The following NCAPD2 variants were observed in gnomAD, a reference collection of about 807,000 sequenced individuals.
NCAPD2 encodes the protein condensin complex subunit 1.
In NCAPD2, 100 loss-of-function variants were observed where a neutral mutation model predicts 164.5. The observed-to-expected ratio is 0.61, with a 90% CI of 0.52 to 0.72. The LOEUF (loss-of-function observed/expected upper bound fraction) is 0.72, where lower values mean the gene tolerates loss of function less well. Ranked by LOEUF, NCAPD2 falls within the 30% of genes least tolerant of loss-of-function variation. NCAPD2 has a pLI of 0.00. For missense variants in NCAPD2, 1,560 were observed against 1,749.2 expected (o/e 0.89, Z 1.93); for synonymous variants, 585 against 642.6 (o/e 0.91, Z 1.36).
Position 6,516,920 on chromosome 12 carries a change from C to T in NCAPD2, c.1080C>T (p.Asp360=), listed in dbSNP as rs1946206927. ...ATCAACTGGAAGCAGCAGCCCGAGA[C>T]ACCAGAGACCAGTTCTTGGATACTT... ...SGDQLEAAAR[D]TRDQFLDTLQ... Residue 360 remains aspartate, a synonymous_variant, in exon 10 of 32, where the codon GAC becomes GAT. Coordinates refer to ENST00000315579, the MANE Select transcript of NCAPD2 (RefSeq NM_014865.4). 6.2e-7 allele frequency: 1 copy of T among 1,614,172 alleles called. No individual in the cohort carries two copies. The highest frequency in any genetic ancestry group is 1.3e-5 in the African/African-American group (1 of 75,044).
At chr12:6,510,156 G>T in intron 4 of NCAPD2, 23 bp downstream of exon 4, 1 of 1,583,070 alleles carries the variant, frequency 6.3e-7, no homozygotes, top group South Asian at 1.1e-5. Flanking sequence ...CAGGGGGTAG[G>T]GGATGGAAGG....
intron 13 of NCAPD2, among the ~76,000 whole-genome samples, chr12:6,520,644 A>T (rs1946255469): frequency 6.6e-6 from 1 of 152,186 alleles, no homozygotes. Flanking sequence ...TTGAAAGTTT[A>T]TTGTTTCTAA....
chr12:6,528,466 G>T lies in NCAPD2; in HGVS notation c.3299+138G>T. 1 of 1,287,660 alleles carries T rather than the reference G, an allele frequency of 7.8e-7. No individual in the cohort carries two copies. Among genetic ancestry groups the T allele is most frequent in the Non-Finnish European group, 1.1e-6 (1 of 923,346 alleles). The allele number at this position is 1,287,660 out of a possible 1,614,324, so 79.8% of individuals were successfully genotyped here. ...TCTGCTTGATACTTGACCTGTACAG[G>T]CCCCTGGCTAAGAGTCACCCCAGTG... is the stretch of plus-strand genomic sequence containing the variant. On this transcript the variant is annotated intron_variant, in intron 25 of 31. Transcript: ENST00000315579. This position sits in a 1 kb window ranked among gnomAD's most constrained non-coding sequence, Gnocchi z 5.1.
chr12:6,526,467 A>G lies in NCAPD2; in HGVS notation c.2586A>G (p.Pro862=). 6.2e-7 allele frequency: 1 copy of G among 1,613,986 alleles called. No individual in the cohort carries two copies. Among genetic ancestry groups the G allele is most frequent in the Non-Finnish European group, 8.5e-7 (1 of 1,179,994 alleles). The change falls in exon 21 of 32, where the codon CCA becomes CCG. Residue 862 remains proline (P), a synonymous_variant. Coordinates refer to ENST00000315579, the MANE Select transcript of NCAPD2 (RefSeq NM_014865.4). ...TVTKGFVHPD[P]LWIPFKEVAV... The stretch of plus-strand genomic sequence containing the variant: ...CTGCAGGCTTTGTCCACCCAGACCC[A>G]CTCTGGATCCCATTCAAAGAGGTGG...
intron 6 of NCAPD2, among the ~76,000 whole-genome samples, chr12:6,511,938 C>T (rs1946151912): frequency 6.6e-6 from 1 of 150,504 alleles, no homozygotes; most frequent in Admixed American, 6.7e-5. Flanking sequence ...GAGCTGAGAT[C>T]GCACCATTGC....
chr12:6,497,899 G>T (rs1945998590), intron 2 of NCAPD2, among the ~76,000 whole-genome samples: 2 of 149,626 alleles, frequency 1.3e-5, no homozygotes, highest in Non-Finnish European at 3.0e-5. Context: ...TTACAGGCGT[G>T]AGCCACCGCG....
chr12:6,531,211 A>C lies in NCAPD2; in HGVS notation c.4121-116A>C. On this transcript the variant is annotated intron_variant, in intron 31 of 31. Coordinates refer to ENST00000315579, the MANE Select transcript of NCAPD2 (RefSeq NM_014865.4). This position sits in a 1 kb window ranked among gnomAD's most constrained non-coding sequence, Gnocchi z 4.1. ...TGCCGCAGAAGGGCCTCTCCTGTACAGCTTGGATTTTATTTCTTCTGTGCG... is the reference window on the plus strand; with the variant it reads ...TGCCGCAGAAGGGCCTCTCCTGTACCGCTTGGATTTTATTTCTTCTGTGCG... 1 of 1,482,474 alleles carries C rather than the reference A, an allele frequency of 6.7e-7. No individual in the cohort carries two copies. Among genetic ancestry groups the C allele is most frequent in the South Asian group, 1.2e-5 (1 of 82,554 alleles). The allele number at this position is 1,482,474 out of a possible 1,614,324, so 91.8% of individuals were successfully genotyped here. A position where few individuals can be genotyped will look rare whatever the true frequency, so the allele number is the denominator to read the frequency against.
chr12:6,512,291 AAAGAT>A (rs1308522839), intron 6 of NCAPD2, among the ~76,000 whole-genome samples: 1 of 147,056 alleles, frequency 6.8e-6, no homozygotes, highest in African/African-American at 2.5e-5. Flanking sequence ...AAAAAAAAAA[AAAGAT>A]AGATAGATAG....
At chr12:6,497,385 A>G (rs1363452170) in intron 2 of NCAPD2, among the ~76,000 whole-genome samples, 1 of 151,344 alleles carries the variant, frequency 6.6e-6, no homozygotes, top group Non-Finnish European at 1.5e-5. Flanking sequence ...TGCTGCACCT[A>G]TCAACCCATC....
chr12:6,509,936 A>G (rs1441570422), intron 3 of NCAPD2, 139 bp from the exon 4 acceptor site: 6 of 1,259,888 alleles, frequency 4.8e-6, no homozygotes, highest in Non-Finnish European at 6.8e-6. Context: ...GCATGTACCC[A>G]GCTTGCCACC....
chr12:6,517,892 G>A lies in NCAPD2; in HGVS notation c.1522G>A (p.Ala508Thr). Residue 508 changes from alanine (A) to threonine (T), a missense_variant, in exon 13 of 32, where the codon GCC (alanine) becomes ACC (threonine). Physicochemically the swap from Ala to Thr is moderately conservative, Grantham distance 58. Coordinates refer to ENST00000315579, the MANE Select transcript of NCAPD2 (RefSeq NM_014865.4). ...QGEEEIPEQI[A>T]NTETTEDVKG... Reference sequence around the variant, plus strand: ...AGAGGAGGAGATTCCTGAGCAAATTGCCAATACAGAGACAACTGAAGATGT... The same window carrying A: ...AGAGGAGGAGATTCCTGAGCAAATTACCAATACAGAGACAACTGAAGATGT... The A allele has an allele frequency of 6.2e-7, 1 of 1,614,148 alleles. No individual in the cohort carries two copies. The highest frequency in any genetic ancestry group is 1.1e-5 in the South Asian group (1 of 91,070).
chr12:6,509,747 C>G lies in NCAPD2; in HGVS notation c.158C>G (p.Pro53Arg). The change falls in exon 3 of 32, where the codon CCC becomes CGC. Residue 53 changes from proline (P) to arginine (R), a missense_variant. Physicochemically the swap from Pro to Arg is moderately radical, Grantham distance 103. Coordinates refer to ENST00000315579, the MANE Select transcript of NCAPD2 (RefSeq NM_014865.4). ...CAGGCTGCCTTTCGAGCTCAGGGGC[C>G]CCTGGCTATGCTGCAGCACTTTGAT... ...AFQAAFRAQG[P>R]LAMLQHFDTI... 6.2e-7 allele frequency: 1 copy of G among 1,613,990 alleles called. No homozygotes were observed. The highest frequency in any genetic ancestry group is 8.5e-7 in the Non-Finnish European group (1 of 1,179,984).
chr12:6,510,814 A>G lies in NCAPD2; in HGVS notation c.444+4A>G, dbSNP rs1565541560. ...GGACCTGGACCTTGGTGGGAAGGTA[A>G]TTTGGAGTTTTGGGCTCACGTTATA... On this transcript the variant is annotated splice_donor_region_variant and intron_variant, in intron 5 of 31. Transcript: ENST00000315579. The G allele has an allele frequency of 2.5e-6, 4 of 1,613,882 alleles. No homozygotes were observed. Among genetic ancestry groups the G allele is most frequent in the Non-Finnish European group, 3.4e-6 (4 of 1,179,890 alleles).
chr12:6,518,514 T>TTTTTTTTTG (rs1565544167), intron 13 of NCAPD2, among the ~76,000 whole-genome samples: 4 of 107,096 alleles, frequency 3.7e-5, no homozygotes, highest in Non-Finnish European at 7.5e-5. Context: ...GTTTTTTTTT[T>TTTTTTTTTG]TTTTTTTTTT....
chr12:6,529,629 CGGGG>C, intron 28 of NCAPD2, 36 bp downstream of exon 28: 1 of 1,610,630 alleles, frequency 6.2e-7, no homozygotes, highest in East Asian at 2.2e-5. Flanking sequence ...TTGTGCTGAG[CGGGG>C]CCCTGCAGGG....
At chr12:6,502,860 T>TGC (rs1178405956) in intron 2 of NCAPD2, among the ~76,000 whole-genome samples, 47 of 151,582 alleles carry the variant, frequency 3.1e-4, no homozygotes, top group African/African-American at 1.1e-3. Flanking sequence ...TTGTTGTTGC[T>TGC]TTTTTTTTGA....
At chr12:6,522,199 G>A (rs1946269957) in intron 15 of NCAPD2, among the ~76,000 whole-genome samples, 162 bp downstream of exon 15, 1 of 152,096 alleles carries the variant, frequency 6.6e-6, no homozygotes, top group South Asian at 2.1e-4. Context: ...CTCCCAAAGT[G>A]CTGGTATTAC....
In NCAPD2 at chr12:6,531,676, G is replaced by A; in HGVS notation, c.*264G>A. 2.1e-6 allele frequency: 1 copy of A among 483,742 alleles called. No individual in the cohort carries two copies. The highest frequency in any genetic ancestry group is 3.6e-6 in the Non-Finnish European group (1 of 279,642). 30.0% of individuals were successfully genotyped at this position (483,742 alleles called of 1,614,324 possible). ...AAAAATTAGCCGGGCGTATTGGCGT[G>A]CGCCTGTAATCCCAGCTACTCAAGA... On this transcript the variant is annotated 3_prime_UTR_variant, in exon 32 of 32. Coordinates refer to ENST00000315579, the MANE Select transcript of NCAPD2 (RefSeq NM_014865.4). This position sits in a 1 kb window ranked among gnomAD's most constrained non-coding sequence, Gnocchi z 4.1.
Position 6,511,120 on chromosome 12 carries a change from C to T in NCAPD2, c.455C>T (p.Ala152Val), listed in dbSNP as rs546615712. The T allele has an allele frequency of 1.1e-5, 18 of 1,613,786 alleles. No individual in the cohort carries two copies. In the African/African-American group the frequency reaches 2.1e-4, roughly 19 times the overall value. ...DLDLGGKGKK[A>V]RTKAAHGFDW... ...CATGATCCTTTTTAGGGTAAGAAAG[C>T]TCGGACCAAGGCAGCCCATGGCTTT... The change falls in exon 6 of 32, where the codon GCT becomes GTT. Residue 152 changes from alanine to valine, a missense_variant. Transcript: ENST00000315579.
Sources: gnomAD v4.1 joint callset for allele counts (sites outside exome capture counted in the v4.1 genomes callset) on GRCh38, gnomAD v4.1.1 for gene constraint, Gnocchi (gnomAD v3.1) non-coding constraint, MANE v1.5 for transcripts, NCBI Gene and HGNC (gene_info 2026-07-23, HGNC 2026-07-21) for gene names.